Variants in DCDC1 observed in about 807,000 individuals in gnomAD.
DCDC1 encodes doublecortin domain-containing protein 1.
DCDC1 carries 200 observed loss-of-function variants against 178.3 expected under a neutral mutation model. The observed-to-expected ratio is 1.12, with a 90% CI of 1.00 to 1.26. The LOEUF (loss-of-function observed/expected upper bound fraction) is 1.26, where lower values mean the gene tolerates loss of function less well. DCDC1 is among the 50% of genes most tolerant of loss of function. The probability of loss-of-function intolerance (pLI) is 0.00; values close to 1 mark genes in which losing one functional copy is unlikely to be tolerated. For synonymous variants in DCDC1, 690 were observed against 604.8 expected, an observed-to-expected ratio of 1.14 and a Z score of -2.07; for missense variants, 1,983 against 1,749.2, an observed-to-expected ratio of 1.13 and a Z score of -2.38.
At chr11:31,270,050 G>A (rs913730680) in intron 7 of DCDC1, among the ~76,000 whole-genome samples, 2 of 152,154 alleles carry the variant, frequency 1.3e-5, no homozygotes, top group African/African-American at 2.4e-5. Flanking sequence ...GGTTCTATGA[G>A]TTAATGCCTG....
intron 11 of DCDC1, among the ~76,000 whole-genome samples, chr11:31,126,415 G>A (rs1475357517): frequency 6.6e-6 from 1 of 152,102 alleles, no homozygotes. Context: ...AAATTATCAT[G>A]TTTAACATGA....
intron 20 of DCDC1, among the ~76,000 whole-genome samples, chr11:31,026,046 AG>A (rs1480189799): frequency 6.6e-6 from 1 of 151,856 alleles, no homozygotes. Context: ...CTATTGACAA[AG>A]AAAGGAAAGA....
chr11:31,258,620 T>C (rs549911207), intron 8 of DCDC1, among the ~76,000 whole-genome samples: 2 of 152,060 alleles, frequency 1.3e-5, no homozygotes, highest in Admixed American at 1.3e-4. Context: ...AAAGACCATG[T>C]CCTTAGGAGG....
intron 9 of DCDC1, among the ~76,000 whole-genome samples, chr11:31,203,479 C>T (rs1346609864): frequency 3.3e-5 from 5 of 152,120 alleles, no homozygotes; most frequent in African/African-American, 1.2e-4. Flanking sequence ...AACGGCTGCT[C>T]TAGATTCCTT....
intron 8 of DCDC1, among the ~76,000 whole-genome samples, chr11:31,245,496 G>A (rs978352950): frequency 6.6e-6 from 1 of 151,524 alleles, no homozygotes; most frequent in African/African-American, 2.4e-5. Context: ...GAATATACCC[G>A]AATTTCAAAG....
intron 7 of DCDC1, among the ~76,000 whole-genome samples, chr11:31,275,717 T>C (rs1244262452): frequency 6.6e-6 from 1 of 152,210 alleles, no homozygotes; most frequent in Non-Finnish European, 1.5e-5. Flanking sequence ...TTGGTCAGGC[T>C]GGTCTTGAAC....
intron 9 of DCDC1, among the ~76,000 whole-genome samples, chr11:31,220,547 T>G (rs1974144633): frequency 6.6e-6 from 1 of 152,228 alleles, no homozygotes; most frequent in Non-Finnish European, 1.5e-5. Flanking sequence ...CTGTGTAATT[T>G]CTGATTTATG....
At chr11:31,341,812 T>TACACACACACACACACACAC (rs34730979) in intron 1 of DCDC1, among the ~76,000 whole-genome samples, 1 of 144,470 alleles carries the variant, frequency 6.9e-6, no homozygotes, top group African/African-American at 2.6e-5. Flanking sequence ...TGCATGACTA[T>TACACACACACACACACACAC]ACACACACAC....
chr11:31,181,648 A>C (rs1968813135), intron 9 of DCDC1, among the ~76,000 whole-genome samples: 2 of 152,218 alleles, frequency 1.3e-5, no homozygotes, highest in Non-Finnish European at 2.9e-5. Flanking sequence ...AGGAAAACTA[A>C]CAAAAAGAAA....
At chr11:31,348,746 A>G (rs961053965) in intron 1 of DCDC1, among the ~76,000 whole-genome samples, 6 of 152,162 alleles carry the variant, frequency 3.9e-5, no homozygotes, top group Admixed American at 3.9e-4. Flanking sequence ...TGGAGATCTC[A>G]TTTGCAAAGC....
chr11:31,278,261 T>C (rs1439281494), intron 7 of DCDC1, among the ~76,000 whole-genome samples: 2 of 152,144 alleles, frequency 1.3e-5, no homozygotes, highest in Non-Finnish European at 2.9e-5. Context: ...TCCCATATCA[T>C]CCTGTTTTGA....
At chr11:31,251,807 A>G (rs976764169) in intron 8 of DCDC1, among the ~76,000 whole-genome samples, 3 of 152,134 alleles carry the variant, frequency 2.0e-5, no homozygotes, top group African/African-American at 4.8e-5. Flanking sequence ...ATAGGGTGAG[A>G]GAGAATCCAA....
rs372331621 is a variant in DCDC1 at position 31,017,478 on chromosome 11, C to A, written c.2591+46991G>T. The stretch of plus-strand genomic sequence containing the variant: ...ACATACAAATTATGTGTTAATCAAC[C>A]CTGTCTCAAAAATAAATTTAAAAAA... On this transcript the variant is annotated intron_variant, in intron 20 of 38. Coordinates refer to ENST00000684477, the MANE Select transcript of DCDC1 (RefSeq NM_001387274.1). Among the ~76,000 whole-genome samples, 4 of 151,928 alleles carry A rather than the reference C, an allele frequency of 2.6e-5. No individual in the cohort carries two copies. In the East Asian group the frequency reaches 7.7e-4, roughly 29 times the overall value.
intron 33 of DCDC1, 42 bp from the exon 34 acceptor site, chr11:30,899,684 T>C: frequency 7.5e-7 from 1 of 1,330,686 alleles, no homozygotes; most frequent in Non-Finnish European, 1.0e-6. Context: ...AACAGTAATT[T>C]ATCACGCGCA....
At chr11:31,151,724 C>T (rs1470214033) in intron 9 of DCDC1, among the ~76,000 whole-genome samples, 1 of 152,124 alleles carries the variant, frequency 6.6e-6, no homozygotes, top group Non-Finnish European at 1.5e-5. Flanking sequence ...GAAATGGTAT[C>T]ACATCGCCAT....
intron 9 of DCDC1, among the ~76,000 whole-genome samples, chr11:31,139,007 C>T (rs921728718): frequency 6.7e-6 from 1 of 150,092 alleles, no homozygotes. Context: ...AGGGCCAGAT[C>T]GTAAATATTT....
rs866505976 is a variant in DCDC1 at position 31,130,911 on chromosome 11, G to A, written c.1315-3272C>T. On this transcript the variant is annotated intron_variant, in intron 10 of 38. Transcript: ENST00000684477. ...AAGAAAACAAAATTAGGCCGGGCGC[G>A]GTGGCTCACGCCTGTAATCCCAGCA... 1.1e-4 allele frequency among the ~76,000 whole-genome samples: 3 copies of A among 26,104 alleles called. 1 individual carries two copies. Among genetic ancestry groups the A allele is most frequent in the Non-Finnish European group, 3.0e-4 (3 of 10,122 alleles). 17.1% of individuals were successfully genotyped at this position (26,104 alleles called of 152,430 possible). A position where few individuals can be genotyped will look rare whatever the true frequency, so the allele number is the denominator to read the frequency against.
chr11:30,895,378 C>T (rs987189573), intron 34 of DCDC1, among the ~76,000 whole-genome samples: 32 of 152,050 alleles, frequency 2.1e-4, no homozygotes, highest in African/African-American at 7.7e-4. Context: ...GAGTTGCTAA[C>T]CTAGTCTGAG....
chr11:31,259,246 G>A (rs952801550), intron 8 of DCDC1, among the ~76,000 whole-genome samples: 18 of 151,988 alleles, frequency 1.2e-4, no homozygotes, highest in African/African-American at 4.4e-4. Flanking sequence ...CACGCTATTC[G>A]GGAGGCTGAG....
Sources: allele counts gnomAD v4.1 joint callset (sites outside exome capture counted in the v4.1 genomes callset), GRCh38; gene constraint gnomAD v4.1.1; transcripts MANE v1.5; gene names NCBI Gene and HGNC (gene_info 2026-07-23, HGNC 2026-07-21).